The following TNFRSF10C variants were observed in gnomAD, a reference collection of about 807,000 sequenced individuals.
TNFRSF10C encodes the protein TNF receptor superfamily member 10c.
Under a neutral mutation model 16.7 loss-of-function variants are expected in TNFRSF10C, and 17 were observed. That is an observed-to-expected ratio of 1.02 (90% CI 0.70 to 1.53). TNFRSF10C has a LOEUF of 1.53. Ranked by LOEUF, TNFRSF10C falls within the 40% of genes most tolerant of loss-of-function variation. TNFRSF10C has a pLI of 0.00. For missense variants in TNFRSF10C, 237 were observed against 329.7 expected (o/e 0.72, Z 2.18); for synonymous variants, 73 against 119.7 (o/e 0.61, Z 2.55).
intron 1 of TNFRSF10C, among the ~76,000 whole-genome samples, chr8:23,110,229 C>T (rs73546663): frequency 0.032 from 4,807 of 152,050 alleles, 240 homozygotes; most frequent in African/African-American, 0.11. Flanking sequence ...GGGACTCCAA[C>T]CCGGGAAAGA....
At chr8:23,115,668 TGA>T (rs1307847036) in intron 4 of TNFRSF10C, 52 bp downstream of exon 4, 2 of 1,439,362 alleles carry the variant, frequency 1.4e-6, no homozygotes, top group Admixed American at 3.5e-5. Context: ...CGAGAAGACC[TGA>T]GTCACCTGGT....
intron 1 of TNFRSF10C, among the ~76,000 whole-genome samples, chr8:23,111,303 G>T (rs576435133): frequency 1.6e-4 from 24 of 151,152 alleles, no homozygotes; most frequent in African/African-American, 5.6e-4. Flanking sequence ...TGCAACCTCT[G>T]CCTCTCAGGT....
chr8:23,103,240 AG>A, intron 1 of TNFRSF10C, 59 bp downstream of exon 1: 1 of 1,581,178 alleles, frequency 6.3e-7, no homozygotes, highest in Non-Finnish European at 8.6e-7. Flanking sequence ...GGGAGGGGGC[AG>A]GGAGACGGGG....
chr8:23,108,163 G>A (rs891337935), intron 1 of TNFRSF10C, among the ~76,000 whole-genome samples: 5 of 151,748 alleles, frequency 3.3e-5, no homozygotes, highest in African/African-American at 1.2e-4. Flanking sequence ...AGAACAGGAA[G>A]GAAAGGAAGG....
At chr8:23,110,148 C>T (rs1226009555) in intron 1 of TNFRSF10C, among the ~76,000 whole-genome samples, 3 of 148,176 alleles carry the variant, frequency 2.0e-5, no homozygotes, top group Non-Finnish European at 4.4e-5. Context: ...ACTAATAAAC[C>T]CCTCATTAAA....
chr8:23,117,184 T>A lies in TNFRSF10C; in HGVS notation c.*153T>A. The A allele has an allele frequency of 8.4e-7, 1 of 1,188,848 alleles. No homozygotes were observed. The highest frequency in any genetic ancestry group is 1.2e-6 in the Non-Finnish European group (1 of 855,490). The allele number at this position is 1,188,848 out of a possible 1,614,324, so 73.6% of individuals were successfully genotyped here. A position where few individuals can be genotyped will look rare whatever the true frequency, so the allele number is the denominator to read the frequency against. ...TGCCCCTGCCCCAAGTCCTGGTGTC[T>A]CCAGCCTGGCTCTATCTTCCTCCTT... is the stretch of plus-strand genomic sequence containing the variant. On this transcript the variant is annotated 3_prime_UTR_variant, in exon 5 of 5. Transcript: ENST00000356864.
At position 23,115,500 on chromosome 8, in the gene TNFRSF10C, G is replaced by A; in HGVS notation, c.281-8G>A. 6.2e-7 allele frequency: 1 copy of A among 1,611,098 alleles called. No individual in the cohort carries two copies. Among genetic ancestry groups the A allele is most frequent in the Non-Finnish European group, 8.5e-7 (1 of 1,177,886 alleles). The stretch of plus-strand genomic sequence containing the variant: ...ACACATTCCCAAAACCTTATGCTCT[G>A]TTGTCAGATCAAAAACATAAAAGTT... On this transcript the variant is annotated splice_polypyrimidine_tract_variant and splice_region_variant and intron_variant, in intron 3 of 4. Coordinates refer to ENST00000356864, the MANE Select transcript of TNFRSF10C (RefSeq NM_003841.5).
At chr8:23,104,187 C>T (rs913341459) in intron 1 of TNFRSF10C, among the ~76,000 whole-genome samples, 1 of 152,180 alleles carries the variant, frequency 6.6e-6, no homozygotes, top group Non-Finnish European at 1.5e-5. Context: ...TAGACAAGGC[C>T]AGCAACATCA....
rs978098294 is a variant in TNFRSF10C at position 23,107,599 on chromosome 8, G to A, written c.61-4121G>A. On this transcript the variant is annotated intron_variant, in intron 1 of 4. Coordinates refer to ENST00000356864, the MANE Select transcript of TNFRSF10C (RefSeq NM_003841.5). ...CACTTGCACATAGATCATGGAAATA[G>A]GTATGCATAAAAAGTCAGTTTATCC... is the stretch of plus-strand genomic sequence containing the variant. Among the ~76,000 whole-genome samples the A allele has an allele frequency of 1.2e-4, 18 of 152,124 alleles. No homozygotes were observed. In the South Asian group the frequency reaches 2.9e-3, roughly 24 times the overall value.
chr8:23,103,148 G>T lies in TNFRSF10C; in HGVS notation c.27G>T (p.Lys9Asn). 6.2e-7 allele frequency: 1 copy of T among 1,612,366 alleles called. No homozygotes were observed. Among genetic ancestry groups the T allele is most frequent in the Non-Finnish European group, 8.5e-7 (1 of 1,179,430 alleles). Residue 9 changes from lysine (K) to asparagine (N), a missense_variant, in exon 1 of 5, where the codon AAG becomes AAT. Lys to Asn is a moderately conservative substitution (Grantham distance 94). Coordinates refer to ENST00000356864, the MANE Select transcript of TNFRSF10C (RefSeq NM_003841.5). ...TGGCCCGGATCCCCAAGACCCTAAA[G>T]TTCGTCGTCGTCATCGTCGCGGTCC... is the stretch of plus-strand genomic sequence containing the variant. Reference protein sequence around the residue: MARIPKTLKFVVVIVAVLL... With the variant: MARIPKTLNFVVVIVAVLL...
At chr8:23,115,684 C>G (rs566155267) in intron 4 of TNFRSF10C, 68 bp downstream of exon 4, 27 of 1,303,368 alleles carry the variant, frequency 2.1e-5, no homozygotes, top group Non-Finnish European at 2.9e-5. Flanking sequence ...ACCTGGTACC[C>G]CTATTTCTCC....
At chr8:23,112,826 G>A (rs1813905222) in intron 2 of TNFRSF10C, among the ~76,000 whole-genome samples, 1 of 152,190 alleles carries the variant, frequency 6.6e-6, no homozygotes, top group African/African-American at 2.4e-5. Context: ...TCCTTTGGAT[G>A]TATACCCAAT....
chr8:23,114,308 T>G (rs1251195776), intron 2 of TNFRSF10C, among the ~76,000 whole-genome samples: 1 of 152,196 alleles, frequency 6.6e-6, no homozygotes, highest in Non-Finnish European at 1.5e-5. Context: ...GTAAAAAAAG[T>G]AAAATATCTC....
At chr8:23,109,655 A>T (rs1349059836) in intron 1 of TNFRSF10C, among the ~76,000 whole-genome samples, 1 of 152,094 alleles carries the variant, frequency 6.6e-6, no homozygotes, top group Non-Finnish European at 1.5e-5. Flanking sequence ...AAGAAAAAGA[A>T]AAAGAAAATT....
chr8:23,114,774 C>A lies in TNFRSF10C; in HGVS notation c.280+4C>A. The A allele has an allele frequency of 6.2e-7, 1 of 1,612,200 alleles. No homozygotes were observed. The highest frequency in any genetic ancestry group is 8.5e-7 in the Non-Finnish European group (1 of 1,178,294). ...CCATGTACAGTTTGTAAATCAGGTA[C>A]AGAATGTGTGGACCTCTTGTCCAGA... On this transcript the variant is annotated splice_donor_region_variant and intron_variant, in intron 3 of 4. Coordinates refer to ENST00000356864, the MANE Select transcript of TNFRSF10C (RefSeq NM_003841.5).
Position 23,107,084 on chromosome 8 carries a change from G to A in TNFRSF10C, c.60+3903G>A, listed in dbSNP as rs978165238. Among the ~76,000 whole-genome samples the A allele has an allele frequency of 2.6e-5, 4 of 152,122 alleles. No individual in the cohort carries two copies. The South Asian group carries it at 6.2e-4, about 24-fold the overall frequency. On this transcript the variant is annotated intron_variant, in intron 1 of 4. Transcript: ENST00000356864. ...CAATTGACCAGGGTGGGCAGGGTGC[G>A]ATGGCTCACACCTGTAGTCCTGCCA... is the stretch of plus-strand genomic sequence containing the variant.
intron 1 of TNFRSF10C, chr8:23,103,577 G>C (rs1370962807): frequency 4.5e-6 from 1 of 223,262 alleles, no homozygotes; most frequent in Non-Finnish European, 9.0e-6. Flanking sequence ...TTGGAGATCG[G>C]TTTAACCAAC....
At position 23,117,290 on chromosome 8, in the gene TNFRSF10C, A is replaced by T; in HGVS notation, c.*259A>T. ...CCCTCTCCTGGAGCTGGGGGTCCAC[A>T]CATCTCCCAGCCAAGTCCAAGAGGG... On this transcript the variant is annotated 3_prime_UTR_variant, in exon 5 of 5. Coordinates refer to ENST00000356864, the MANE Select transcript of TNFRSF10C (RefSeq NM_003841.5). 1 of 578,480 alleles carries T rather than the reference A, an allele frequency of 1.7e-6. No individual in the cohort carries two copies. Among genetic ancestry groups the T allele is most frequent in the Non-Finnish European group, 3.0e-6 (1 of 334,022 alleles). 35.8% of individuals were successfully genotyped at this position (578,480 alleles called of 1,614,324 possible).
At chr8:23,111,667 G>A (rs539521002) in intron 1 of TNFRSF10C, 53 bp from the exon 2 acceptor site, 3 of 1,394,260 alleles carry the variant, frequency 2.2e-6, no homozygotes, top group Admixed American at 1.7e-5. Flanking sequence ...ATGGAGCCTG[G>A]GAGGGGTGAG....
Sources: allele counts gnomAD v4.1 joint callset (sites outside exome capture counted in the v4.1 genomes callset), GRCh38; gene constraint gnomAD v4.1.1; transcripts MANE v1.5; gene names NCBI Gene and HGNC (gene_info 2026-07-23, HGNC 2026-07-21).